Variants in E2F3 observed in about 807,000 individuals in gnomAD.
E2F3 encodes transcription factor E2F3.
Under a neutral mutation model 44.4 loss-of-function variants are expected in E2F3, and 11 were observed. That is an observed-to-expected ratio of 0.25 (90% CI 0.16 to 0.41). The LOEUF (loss-of-function observed/expected upper bound fraction) is 0.41. Ranked by LOEUF, E2F3 falls within the 10% of genes least tolerant of loss-of-function variation. The probability of loss-of-function intolerance (pLI) is 1.00; values close to 1 mark genes in which losing one functional copy is unlikely to be tolerated. For synonymous variants in E2F3, 249 were observed against 253.0 expected (o/e 0.98, Z 0.15); for missense variants, 487 against 583.6 (o/e 0.83, Z 1.70).
chr6:20,427,708 T>A (rs962872511), intron 1 of E2F3, among the ~76,000 whole-genome samples: 1 of 152,174 alleles, frequency 6.6e-6, no homozygotes, highest in Non-Finnish European at 1.5e-5. Context: ...TTGGAGAGAA[T>A]GTCACTGTGG....
chr6:20,481,579 T>C (rs1762225959), intron 3 of E2F3, among the ~76,000 whole-genome samples, 154 bp downstream of exon 3: 2 of 152,166 alleles, frequency 1.3e-5, no homozygotes, highest in Non-Finnish European at 1.5e-5. Flanking sequence ...CTCCTCAGCT[T>C]CTAAGCCAGA....
At chr6:20,453,131 G>A (rs1043627865) in intron 1 of E2F3, among the ~76,000 whole-genome samples, 2 of 152,110 alleles carry the variant, frequency 1.3e-5, no homozygotes, top group Non-Finnish European at 2.9e-5. Context: ...TTAGCTCTAA[G>A]TCTGTGATAT....
Position 20,402,254 on chromosome 6 carries a change from G to T in E2F3, c.22G>T (p.Ala8Ser), listed in dbSNP as rs200969581. The change falls in exon 1 of 7, where the codon GCT becomes TCT. Residue 8 changes from alanine (A) to serine (S), a missense_variant. Ala to Ser is a moderately conservative substitution (Grantham distance 99, BLOSUM62 1). Transcript: ENST00000346618. The surrounding 1 kb of genome is among the most constrained non-coding windows in gnomAD (Gnocchi z 5.6). MRKGIQP[A>S]LEQYLVTAGG... ...AGAGATGAGAAAGGGAATCCAGCCC[G>T]CTCTGGAGCAGTACCTGGTGACCGC... 2.3e-4 allele frequency: 367 copies of T among 1,599,338 alleles called. No homozygotes were observed. The highest frequency in any genetic ancestry group is 3.0e-4 in the Non-Finnish European group (354 of 1,176,386).
At chr6:20,461,182 C>A (rs904705991) in intron 1 of E2F3, among the ~76,000 whole-genome samples, 1 of 151,672 alleles carries the variant, frequency 6.6e-6, no homozygotes, top group Non-Finnish European at 1.5e-5. Context: ...AGAATAGCAC[C>A]CATGAAATGA....
rs1366400266 is a variant in E2F3 at position 20,492,920 on chromosome 6, T to C, written c.*2490T>C. ...ATGCAGGTTTCCTGGTACCATTGAG[T>C]TGCTGCTATTAAAGCTCACACACGA... On this transcript the variant is annotated 3_prime_UTR_variant, in exon 7 of 7. Coordinates refer to ENST00000346618, the MANE Select transcript of E2F3 (RefSeq NM_001949.5). The C allele has an allele frequency of 5.5e-5, 12 of 217,012 alleles. No individual in the cohort carries two copies. In the East Asian group the frequency reaches 8.2e-4, roughly 15 times the overall value. 13.4% of individuals were successfully genotyped at this position (217,012 alleles called of 1,614,324 possible). A position where few individuals can be genotyped will look rare whatever the true frequency, so the allele number is the denominator to read the frequency against.
At chr6:20,472,632 C>T (rs1761930636) in intron 1 of E2F3, among the ~76,000 whole-genome samples, 1 of 152,082 alleles carries the variant, frequency 6.6e-6, no homozygotes, top group Non-Finnish European at 1.5e-5. Context: ...CACCACCGCC[C>T]TCCAGCTTGG....
At chr6:20,440,566 G>GA (rs1452651291) in intron 1 of E2F3, among the ~76,000 whole-genome samples, 5 of 152,300 alleles carry the variant, frequency 3.3e-5, no homozygotes, top group African/African-American at 1.2e-4. Flanking sequence ...GATACCAGTA[G>GA]AAAAAAGGCT....
intron 3 of E2F3, 79 bp from the exon 4 acceptor site, chr6:20,482,683 A>G (rs1762270717): frequency 3.5e-6 from 5 of 1,449,102 alleles, no homozygotes; most frequent in Non-Finnish European, 3.7e-6. Flanking sequence ...TGTCAAGAGG[A>G]GACATTTACC....
intron 1 of E2F3, among the ~76,000 whole-genome samples, chr6:20,474,247 T>C (rs1046208202): frequency 6.6e-6 from 1 of 152,194 alleles, no homozygotes; most frequent in Non-Finnish European, 1.5e-5. Context: ...TCTAACTACA[T>C]ACATTTTCCT....
At chr6:20,449,869 G>T (rs1346798736) in intron 1 of E2F3, among the ~76,000 whole-genome samples, 18 of 152,136 alleles carry the variant, frequency 1.2e-4, no homozygotes, top group African/African-American at 4.1e-4. Context: ...AGAACATGCA[G>T]TATATGGTTT....
chr6:20,402,736 G>T lies in E2F3; in HGVS notation c.393+111G>T. ...CGGGGAGAGCACTGGGCCGAGCATC[G>T]TGGGCCTCGGGGGCTGCCCCTCCAA... On this transcript the variant is annotated intron_variant, in intron 1 of 6. Transcript: ENST00000346618. The surrounding 1 kb of genome is among the most constrained non-coding windows in gnomAD (Gnocchi z 5.6). 6 of 1,250,700 alleles carry T rather than the reference G, an allele frequency of 4.8e-6. No homozygotes were observed. Among genetic ancestry groups the T allele is most frequent in the Non-Finnish European group, 5.0e-6 (5 of 999,320 alleles). 77.5% of individuals were successfully genotyped at this position (1,250,700 alleles called of 1,614,324 possible). A position where few individuals can be genotyped will look rare whatever the true frequency, so the allele number is the denominator to read the frequency against.
chr6:20,412,742 T>C (rs1374115498), intron 1 of E2F3, among the ~76,000 whole-genome samples: 2 of 152,168 alleles, frequency 1.3e-5, no homozygotes, highest in East Asian at 3.8e-4. Context: ...CCTTGTGTTT[T>C]GCCAGGTCTT....
At chr6:20,484,267 C>T (rs1034077586) in intron 4 of E2F3, among the ~76,000 whole-genome samples, 5 of 152,178 alleles carry the variant, frequency 3.3e-5, no homozygotes, top group Non-Finnish European at 5.9e-5. Context: ...ACAAAGGAAG[C>T]ACTTTTAAGT....
chr6:20,431,100 A>G (rs1177057035), intron 1 of E2F3, among the ~76,000 whole-genome samples: 4 of 152,200 alleles, frequency 2.6e-5, no homozygotes, highest in Non-Finnish European at 4.4e-5. Flanking sequence ...CACTTAAAAC[A>G]CAGAATTCAC....
chr6:20,480,132 A>G, intron 2 of E2F3, 175 bp downstream of exon 2: 2 of 913,286 alleles, frequency 2.2e-6, no homozygotes, highest in Non-Finnish European at 1.3e-6. Flanking sequence ...AACCAGTGAA[A>G]GGCTACAGAG....
intron 1 of E2F3, among the ~76,000 whole-genome samples, chr6:20,424,626 TCATGC>T (rs1760150754): frequency 5.3e-5 from 8 of 152,304 alleles, no homozygotes; most frequent in Non-Finnish European, 8.8e-5. Context: ...GTTTTTATGT[TCATGC>T]TTACTTGCAT....
In E2F3 at chr6:20,492,579, CTT is replaced by C. The variant is rs1762583694; in HGVS notation, c.*2151_*2152del. 4.3e-6 allele frequency: 1 copy of C among 232,710 alleles called. No homozygotes were observed. The allele number at this position is 232,710 out of a possible 1,614,324, so 14.4% of individuals were successfully genotyped here. A position where few individuals can be genotyped will look rare whatever the true frequency, so the allele number is the denominator to read the frequency against. On this transcript the variant is annotated 3_prime_UTR_variant, in exon 7 of 7. Coordinates refer to ENST00000346618, the MANE Select transcript of E2F3 (RefSeq NM_001949.5). ...TCTGCTTCCAGCTTTGTGTAATTCT[CTT>C]TGCCAGCTGCACAAAGCTGATTTTT...
At chr6:20,410,178 T>C (rs1483377174) in intron 1 of E2F3, among the ~76,000 whole-genome samples, 1 of 152,160 alleles carries the variant, frequency 6.6e-6, no homozygotes, top group Non-Finnish European at 1.5e-5. Flanking sequence ...CCATTTCTGA[T>C]ACATAACCAG....
chr6:20,426,860 T>G (rs1760232366), intron 1 of E2F3, among the ~76,000 whole-genome samples: 1 of 152,226 alleles, frequency 6.6e-6, no homozygotes, highest in Non-Finnish European at 1.5e-5. Flanking sequence ...TGACAAATGA[T>G]CTGTCCACTG....
Sources: gnomAD v4.1 joint callset for allele counts (sites outside exome capture counted in the v4.1 genomes callset) on GRCh38, gnomAD v4.1.1 for gene constraint, Gnocchi (gnomAD v3.1) non-coding constraint, MANE v1.5 for transcripts, NCBI Gene and HGNC (gene_info 2026-07-23, HGNC 2026-07-21) for gene names.